The following MAP6 variants were observed in gnomAD, a reference collection of about 807,000 sequenced individuals.
MAP6 encodes microtubule associated protein 6, also known as microtubule-associated protein 6.
A neutral mutation model predicts 42.4 loss-of-function variants in MAP6; 26 were observed. The observed-to-expected ratio is 0.61, with a 90% CI of 0.45 to 0.85. The LOEUF (loss-of-function observed/expected upper bound fraction) is 0.85, where lower values mean the gene tolerates loss of function less well. MAP6 is among the 40% of genes least tolerant of loss of function. The pLI is 0.00. For synonymous variants in MAP6, 418 were observed against 443.8 expected (o/e 0.94, Z 0.73); for missense variants, 966 against 1,099.0 (o/e 0.88, Z 1.71).
intron 1 of MAP6, among the ~76,000 whole-genome samples, chr11:75,640,469 T>A (rs369613027): frequency 7.4e-4 from 112 of 152,306 alleles, no homozygotes; most frequent in African/African-American, 2.7e-3. Context: ...AGTCTTTTAG[T>A]GTGGACTGCT....
chr11:75,653,051 T>G (rs986279964), intron 1 of MAP6, among the ~76,000 whole-genome samples: 2 of 152,204 alleles, frequency 1.3e-5, no homozygotes, highest in African/African-American at 4.8e-5. Context: ...CTGTACCCTC[T>G]AAACAGAATC....
intron 2 of MAP6, among the ~76,000 whole-genome samples, chr11:75,606,667 G>A (rs1465106350): frequency 6.6e-6 from 1 of 152,204 alleles, no homozygotes; most frequent in East Asian, 1.9e-4. Flanking sequence ...AAGCATCCTC[G>A]CTGAGATGCT....
chr11:75,595,814 ACC>A (rs1942569446), intron 3 of MAP6, among the ~76,000 whole-genome samples: 1 of 143,418 alleles, frequency 7.0e-6, no homozygotes, highest in Non-Finnish European at 1.5e-5. Context: ...CAGGCCAGGG[ACC>A]ATGCCTGCTT....
chr11:75,652,397 C>T (rs1381100547), intron 1 of MAP6, among the ~76,000 whole-genome samples: 1 of 152,184 alleles, frequency 6.6e-6, no homozygotes, highest in Admixed American at 6.5e-5. Context: ...TCTGTTGGGA[C>T]CTGCCACCTC....
At chr11:75,651,696 T>C (rs1943649073) in intron 1 of MAP6, among the ~76,000 whole-genome samples, 1 of 152,178 alleles carries the variant, frequency 6.6e-6, no homozygotes, top group African/African-American at 2.4e-5. Flanking sequence ...GACTCTTACA[T>C]GTACATCAGC....
chr11:75,607,249 A>G, intron 2 of MAP6: 1 of 985,484 alleles, frequency 1.0e-6, no homozygotes, highest in Non-Finnish European at 1.2e-6. Context: ...AGGAAACTCC[A>G]CTGAAGTGCA....
chr11:75,608,419 T>A, intron 1 of MAP6, 97 bp from the exon 2 acceptor site: 2 of 916,672 alleles, frequency 2.2e-6, no homozygotes, highest in Non-Finnish European at 3.5e-6. Flanking sequence ...TCTCCATCAG[T>A]GCTTGCAGCA....
rs1178716774 is a variant in MAP6 at position 75,667,249 on chromosome 11, A to G, written c.905+216T>C. ...CAGCGGTAAAGTGAAAGAGCCAGGC[A>G]GGCTGAGATGGAATATACTAACAGC... On this transcript the variant is annotated intron_variant, in intron 1 of 3. Coordinates refer to ENST00000304771, the MANE Select transcript of MAP6 (RefSeq NM_033063.2). This position sits in a 1 kb window ranked among gnomAD's most constrained non-coding sequence, Gnocchi z 5.6. Among the ~76,000 whole-genome samples the G allele has an allele frequency of 2.0e-5, 3 of 152,216 alleles. No homozygotes were observed. The highest frequency in any genetic ancestry group is 4.4e-5 in the Non-Finnish European group (3 of 68,024).
intron 3 of MAP6, chr11:75,603,187 C>T (rs530051407): frequency 1.0e-6 from 1 of 985,500 alleles, no homozygotes; most frequent in African/African-American, 1.7e-5. Flanking sequence ...GCTCTTGGGG[C>T]TGCTTTTGCA....
chr11:75,610,527 A>C (rs566565151), intron 1 of MAP6, among the ~76,000 whole-genome samples: 2 of 152,374 alleles, frequency 1.3e-5, no homozygotes, highest in East Asian at 3.9e-4. Context: ...GGGGAAGGGC[A>C]TAAGAGGCTA....
Position 75,668,361 on chromosome 11 carries a change from C to T in MAP6, c.9G>A (p.Trp3Ter). The change falls in exon 1 of 4, where the codon TGG becomes TGA. Residue 3 changes from tryptophan (W) to a stop codon, truncating the protein, a stop_gained. Coordinates refer to ENST00000304771, the MANE Select transcript of MAP6 (RefSeq NM_033063.2). LOFTEE classifies it high-confidence loss of function. MA[W>*]PCITRACCIA... is the part of the protein sequence containing the mutation. ...TGCAGCAGGCCCTCGTGATGCACGG[C>T]CACGCCATGATGCTAGCTGAAAAGC... 6.4e-7 allele frequency: 1 copy of T among 1,572,488 alleles called. No individual in the cohort carries two copies. The highest frequency in any genetic ancestry group is 8.6e-7 in the Non-Finnish European group (1 of 1,166,708).
chr11:75,665,064 A>C (rs895499824), intron 1 of MAP6, among the ~76,000 whole-genome samples: 1 of 152,228 alleles, frequency 6.6e-6, no homozygotes, highest in African/African-American at 2.4e-5. Context: ...ATTTTACAAA[A>C]GACCTAAATT....
At chr11:75,622,223 A>G (rs1003703484) in intron 1 of MAP6, among the ~76,000 whole-genome samples, 1 of 152,034 alleles carries the variant, frequency 6.6e-6, no homozygotes, top group Non-Finnish European at 1.5e-5. Context: ...TACAATAGGA[A>G]TAAGTTTTTT....
chr11:75,587,349 G>C lies in MAP6; in HGVS notation c.2152C>G (p.Pro718Ala), dbSNP rs749787530. ...TCCTTAACTAGTACTGGGAGAATGGGGTCTTGATTCTTCACGGACTCGGGG... is the reference window on the plus strand; with the variant it reads ...TCCTTAACTAGTACTGGGAGAATGGCGTCTTGATTCTTCACGGACTCGGGG... The part of the protein sequence containing the change: ...VVPESVKNQD[P>A]ILPVLVKDQG... Residue 718 changes from proline to alanine, a missense_variant, in exon 4 of 4, where the codon CCC becomes GCC. By Grantham distance (27) the Pro-to-Ala change is conservative. Coordinates refer to ENST00000304771, the MANE Select transcript of MAP6 (RefSeq NM_033063.2). 2 of 1,613,966 alleles carry C rather than the reference G, an allele frequency of 1.2e-6. No individual in the cohort carries two copies. The highest frequency in any genetic ancestry group is 1.7e-6 in the Non-Finnish European group (2 of 1,180,036).
At chr11:75,617,498 A>G (rs1490701740) in intron 1 of MAP6, among the ~76,000 whole-genome samples, 9 of 136,146 alleles carry the variant, frequency 6.6e-5, no homozygotes, top group Non-Finnish European at 1.4e-4. Flanking sequence ...TCTGGGCAAC[A>G]GAGCAAGACT....
rs555839647 is a variant in MAP6 at position 75,605,918 on chromosome 11, C to T, written c.1206G>A (p.Ala402=). 5.0e-6 allele frequency: 8 copies of T among 1,614,118 alleles called. No homozygotes were observed. The highest frequency in any genetic ancestry group is 4.0e-5 in the African/African-American group (3 of 75,008). ...TTTTCTTGGCAGCCTGGCCTGACAC[C>T]GCCTGCTTGTCTTTGGCCTTCCTCG... ...KPTRKAKDKQ[A]VSGQAAKKKS... is the part of the protein sequence containing the mutation. Residue 402 remains alanine (A), a synonymous_variant, in exon 3 of 4, where the codon GCG becomes GCA. Coordinates refer to ENST00000304771, the MANE Select transcript of MAP6 (RefSeq NM_033063.2).
intron 1 of MAP6, among the ~76,000 whole-genome samples, chr11:75,644,515 C>T (rs941315325): frequency 1.3e-5 from 2 of 152,070 alleles, no homozygotes; most frequent in African/African-American, 2.4e-5. Flanking sequence ...TGGTAAATGC[C>T]ATTATTATCT....
rs140478720 is a variant in MAP6 at position 75,622,227 on chromosome 11, G to GT, written c.906-13906dup. On this transcript the variant is annotated intron_variant, in intron 1 of 3. Coordinates refer to ENST00000304771, the MANE Select transcript of MAP6 (RefSeq NM_033063.2). The stretch of plus-strand genomic sequence containing the variant: ...ATCAAGCAGAATACAATAGGAATAA[G>GT]TTTTTTTTGATTTTTAATTTATTTT... 5.5e-3 allele frequency among the ~76,000 whole-genome samples: 834 copies of GT among 151,862 alleles called. 7 individuals are homozygous for GT. The highest frequency in any genetic ancestry group is 0.019 in the African/African-American group (792 of 41,364).
At chr11:75,632,866 A>T (rs1229302482) in intron 1 of MAP6, among the ~76,000 whole-genome samples, 1 of 152,228 alleles carries the variant, frequency 6.6e-6, no homozygotes, top group African/African-American at 2.4e-5. Context: ...TACAGATGGA[A>T]AAAAATTAGA....
Sources: gnomAD v4.1 joint callset for allele counts (sites outside exome capture counted in the v4.1 genomes callset) on GRCh38, gnomAD v4.1.1 for gene constraint, Gnocchi (gnomAD v3.1) non-coding constraint, MANE v1.5 for transcripts, NCBI Gene and HGNC (gene_info 2026-07-23, HGNC 2026-07-21) for gene names.